Variants in ZNF385D observed in about 807,000 individuals in gnomAD.
ZNF385D encodes the protein zinc finger protein 659.
ZNF385D carries 15 observed loss-of-function variants against 35.8 expected under a neutral mutation model. The observed-to-expected ratio is 0.42, with a 90% confidence interval of 0.28 to 0.64. The LOEUF (loss-of-function observed/expected upper bound fraction) is 0.64, where lower values mean the gene tolerates loss of function less well. ZNF385D is among the 30% of genes least tolerant of loss of function. The pLI is 0.23. For synonymous variants in ZNF385D, 212 were observed against 186.8 expected (o/e 1.13, Z -1.10); for missense variants, 474 against 494.6 (o/e 0.96, Z 0.39).
chr3:21,850,810 A>C (rs746824718), intron 3 of ZNF385D, among the ~76,000 whole-genome samples: 1 of 152,098 alleles, frequency 6.6e-6, no homozygotes, highest in Non-Finnish European at 1.5e-5. Flanking sequence ...GCTATACTAT[A>C]CCTTTCCTAG....
chr3:22,023,057 C>G (rs1697317757), intron 3 of ZNF385D, among the ~76,000 whole-genome samples: 1 of 152,166 alleles, frequency 6.6e-6, no homozygotes, highest in South Asian at 2.1e-4. Context: ...CCAGGCTGCT[C>G]TTCGCAAGTG....
chr3:21,665,424 G>A (rs1282810388), intron 1 of ZNF385D, among the ~76,000 whole-genome samples: 1 of 152,148 alleles, frequency 6.6e-6, no homozygotes, highest in Non-Finnish European at 1.5e-5. Context: ...TATGCATTAA[G>A]TCTGAGTGAT....
intron 3 of ZNF385D, among the ~76,000 whole-genome samples, chr3:21,895,675 T>C (rs539104585): frequency 4.4e-4 from 67 of 151,776 alleles, no homozygotes; most frequent in Non-Finnish European, 8.8e-4. Context: ...AGATTTCCCT[T>C]TGGGGAAAAT....
chr3:21,862,776 C>G (rs1361078540), intron 3 of ZNF385D, among the ~76,000 whole-genome samples: 2 of 152,136 alleles, frequency 1.3e-5, no homozygotes, highest in Admixed American at 6.6e-5. Flanking sequence ...GTCCCTGTTA[C>G]ATCTGCTGCC....
At chr3:21,466,575 T>A (rs1478384526) in intron 4 of ZNF385D, among the ~76,000 whole-genome samples, 1 of 152,160 alleles carries the variant, frequency 6.6e-6, no homozygotes, top group African/African-American at 2.4e-5. Flanking sequence ...TCAACACCTG[T>A]ATCTCAATTT....
Position 22,265,245 on chromosome 3 carries a change from A to T in ZNF385D, c.107-96210T>A, listed in dbSNP as rs139843820. Reference sequence around the variant, plus strand: ...TTACAGGGCGACCTACTCAGATAATATAATTTGGAAAGACCTCTCTGAGGA... The same window carrying T: ...TTACAGGGCGACCTACTCAGATAATTTAATTTGGAAAGACCTCTCTGAGGA... On this transcript the variant is annotated intron_variant, in intron 2 of 5. Transcript: ENST00000494108. 6.9e-3 allele frequency among the ~76,000 whole-genome samples: 1,045 copies of T among 152,108 alleles called. 10 individuals carry two copies. The highest frequency in any genetic ancestry group is 0.024 in the African/African-American group (996 of 41,558).
At chr3:21,674,389 A>G (rs1159418598) in intron 1 of ZNF385D, among the ~76,000 whole-genome samples, 5 of 152,108 alleles carry the variant, frequency 3.3e-5, no homozygotes, top group African/African-American at 1.2e-4. Flanking sequence ...CACTATACAT[A>G]TGGGTAAATA....
At chr3:22,040,985 T>C (rs1698630644) in intron 3 of ZNF385D, among the ~76,000 whole-genome samples, 2 of 152,142 alleles carry the variant, frequency 1.3e-5, no homozygotes, top group Non-Finnish European at 2.9e-5. Flanking sequence ...GTTCTTAGTA[T>C]AGAAGCAGAG....
intron 2 of ZNF385D, among the ~76,000 whole-genome samples, chr3:22,302,356 T>A (rs1438570312): frequency 6.6e-6 from 1 of 151,696 alleles, no homozygotes. Flanking sequence ...TAATATGCTT[T>A]TCTATCAATG....
rs114302168 is a variant in ZNF385D at position 21,664,977 on chromosome 3, G to T, written c.74C>A (p.Pro25His). ...ALPALVRPPAPPLQPSLDIKP... is the reference protein window; with the variant it reads ...ALPALVRPPAHPLQPSLDIKP... ...AATATCCAGCGATGGTTGCAAAGGA[G>T]GGGCTGGTGGACGGACAAGGGCCGG... The change falls in exon 2 of 8, where the codon CCT (proline) becomes CAT (histidine). Residue 25 changes from proline (P) to histidine (H), a missense_variant. By Grantham distance (77) the Pro-to-His change is moderately conservative (BLOSUM62 -2). Transcript: ENST00000281523. 8,590 of 1,613,528 alleles carry T rather than the reference G, an allele frequency of 5.3e-3. 368 individuals carry two copies. The African/African-American group carries it at 0.1, about 19-fold the overall frequency.
intron 2 of ZNF385D, among the ~76,000 whole-genome samples, chr3:22,306,342 CTT>C (rs891241935): frequency 6.7e-6 from 1 of 148,690 alleles, no homozygotes; most frequent in East Asian, 2.0e-4. Flanking sequence ...TAAAAAAAGT[CTT>C]TTTTTTTTCT....
intron 4 of ZNF385D, among the ~76,000 whole-genome samples, chr3:21,472,835 G>A (rs1454474538): frequency 3.3e-5 from 5 of 152,014 alleles, no homozygotes; most frequent in African/African-American, 4.8e-5. Flanking sequence ...TATTTGCATC[G>A]CCTGCCCACA....
intron 3 of ZNF385D, among the ~76,000 whole-genome samples, chr3:21,530,000 C>T (rs911959668): frequency 2.0e-5 from 3 of 152,100 alleles, no homozygotes; most frequent in East Asian, 1.9e-4. Flanking sequence ...GGTGAACCCT[C>T]ATGATTGACT....
Position 21,445,951 on chromosome 3 carries a change from C to A in ZNF385D, c.440-8748G>T, listed in dbSNP as rs545031890. ...TTTGGCTCTCAAAACATCCCCCTAT[C>A]ATGGGGCCAAGATGTTGGGGAAATT... On this transcript the variant is annotated intron_variant, in intron 4 of 7. Transcript: ENST00000281523. Among the ~76,000 whole-genome samples the A allele has an allele frequency of 2.0e-5, 3 of 152,158 alleles. No homozygotes were observed. The South Asian group carries it at 6.2e-4, about 32-fold the overall frequency.
At position 21,682,218 on chromosome 3, in the gene ZNF385D, C is replaced by A. The variant is rs1056378790; in HGVS notation, c.23-17190G>T. Among the ~76,000 whole-genome samples, 7 of 151,026 alleles carry A rather than the reference C, an allele frequency of 4.6e-5. 1 individual carries two copies. Among genetic ancestry groups the A allele is most frequent in the Admixed American group, 4.6e-4 (7 of 15,164 alleles). On this transcript the variant is annotated intron_variant, in intron 1 of 7. Transcript: ENST00000281523. ...GCAGGTTGGTTTGTTTTTAGTTTAG[C>A]TTTGTCCTTTTAAGTTAGAAGCCAG...
intron 3 of ZNF385D, among the ~76,000 whole-genome samples, chr3:21,758,483 G>GA (rs2070447330): frequency 6.6e-6 from 1 of 152,072 alleles, no homozygotes. Flanking sequence ...GGAACCAGAG[G>GA]GCCAGTCAAC....
At chr3:22,307,647 T>C (rs1269348806) in intron 2 of ZNF385D, among the ~76,000 whole-genome samples, 1 of 152,006 alleles carries the variant, frequency 6.6e-6, no homozygotes, top group Admixed American at 6.6e-5. Flanking sequence ...AATATGCCTG[T>C]GTGTTGACCT....
chr3:21,477,804 A>G (rs1025369827), intron 4 of ZNF385D, among the ~76,000 whole-genome samples: 3 of 152,196 alleles, frequency 2.0e-5, no homozygotes, highest in Admixed American at 2.0e-4. Context: ...AAATGATTTC[A>G]CATCCCTCAT....
chr3:22,217,106 A>G (rs1260471546), intron 2 of ZNF385D, among the ~76,000 whole-genome samples: 1 of 152,184 alleles, frequency 6.6e-6, no homozygotes, highest in Non-Finnish European at 1.5e-5. Flanking sequence ...GAACCATTAA[A>G]GGACAGTGAA....
Sources: gnomAD v4.1 joint callset for allele counts (sites outside exome capture counted in the v4.1 genomes callset) on GRCh38, gnomAD v4.1.1 for gene constraint, MANE v1.5 for transcripts, NCBI Gene and HGNC (gene_info 2026-07-23, HGNC 2026-07-21) for gene names.